The following SEMA6B variants were observed in gnomAD, a reference collection of about 807,000 sequenced individuals.
SEMA6B encodes the protein semaphorin 6B.
Under a neutral mutation model 78.6 loss-of-function variants are expected in SEMA6B, and 47 were observed. That is an observed-to-expected ratio of 0.60 (90% CI 0.47 to 0.76). The LOEUF (loss-of-function observed/expected upper bound fraction) is 0.76, where lower values mean the gene tolerates loss of function less well. Among genes scored for constraint, SEMA6B ranks in the 30% least tolerant of loss-of-function variants. SEMA6B has a pLI of 0.00. For missense variants in SEMA6B, 1,213 were observed against 1,269.9 expected, an observed-to-expected ratio of 0.96 and a Z score of 0.68; for synonymous variants, 632 against 592.2, an observed-to-expected ratio of 1.07 and a Z score of -0.98.
In SEMA6B at chr19:4,555,363, G is replaced by A; in HGVS notation, c.562+111C>T. On this transcript the variant is annotated intron_variant, in intron 7 of 16. Coordinates refer to ENST00000586582, the MANE Select transcript of SEMA6B (RefSeq NM_032108.4). The surrounding 1 kb of genome is among the most constrained non-coding windows in gnomAD (Gnocchi z 6.1). ...CTGAGAGTCTGCCCATGTCACAGCT[G>A]GGACAAGTGGTCGTCCAGCTGCCTT... The A allele has an allele frequency of 1.0e-6, 1 of 979,156 alleles. No individual in the cohort carries two copies. The highest frequency in any genetic ancestry group is 1.5e-6 in the Non-Finnish European group (1 of 654,836). The allele number at this position is 979,156 out of a possible 1,614,324, so 60.7% of individuals were successfully genotyped here. A position where few individuals can be genotyped will look rare whatever the true frequency, so the allele number is the denominator to read the frequency against.
At position 4,543,771 on chromosome 19, in the gene SEMA6B, G is replaced by A; in HGVS notation, c.2497C>T (p.Leu833=). The change falls in exon 17 of 17, where the codon CTG becomes TTG. Residue 833 remains leucine (L), a synonymous_variant. Coordinates refer to ENST00000586582, the MANE Select transcript of SEMA6B (RefSeq NM_032108.4). ...GCGGCCGGAGGGGCGTGGGGGCCCA[G>A]TGGCCTCCTCAGGCTGCCCGTCGGG... ...PPPTGSLRRP[L]GPHAPPAATL... is the part of the protein sequence containing the mutation. 8.2e-7 allele frequency: 1 copy of A among 1,224,490 alleles called. No homozygotes were observed. The highest frequency in any genetic ancestry group is 1.0e-6 in the Non-Finnish European group (1 of 983,300). 75.9% of individuals were successfully genotyped at this position (1,224,490 alleles called of 1,614,324 possible).
intron 14 of SEMA6B, 97 bp downstream of exon 14, chr19:4,547,930 A>C: frequency 2.2e-6 from 3 of 1,374,916 alleles, no homozygotes; most frequent in Non-Finnish European, 2.9e-6. Context: ...CTCAATGACC[A>C]GGACATCATT....
intron 12 of SEMA6B, among the ~76,000 whole-genome samples, chr19:4,549,034 C>T (rs1402458293): frequency 6.6e-6 from 1 of 152,038 alleles, no homozygotes; most frequent in Non-Finnish European, 1.5e-5. Context: ...ACCATTTGGC[C>T]AGGCTGGTTT....
At position 4,558,186 on chromosome 19, in the gene SEMA6B, TG is replaced by T. The variant is rs780137490; in HGVS notation, c.122-38del. The T allele has an allele frequency of 2.1e-6, 3 of 1,399,986 alleles. No homozygotes were observed. The highest frequency in any genetic ancestry group is 2.8e-6 in the Non-Finnish European group (3 of 1,061,292). The allele number at this position is 1,399,986 out of a possible 1,614,324, so 86.7% of individuals were successfully genotyped here. A position where few individuals can be genotyped will look rare whatever the true frequency, so the allele number is the denominator to read the frequency against. ...GGTGGAGAGGGGTGTGAGCAAGGGC[TG>T]GGGGTGAAGAGAGGGTGGCCTGAGG... On this transcript the variant is annotated intron_variant, in intron 2 of 16. Transcript: ENST00000586582. This position sits in a 1 kb window ranked among gnomAD's most constrained non-coding sequence, Gnocchi z 5.1.
At chr19:4,554,902 C>T (rs952356889) in intron 8 of SEMA6B, 74 bp downstream of exon 8, 2 of 1,541,362 alleles carry the variant, frequency 1.3e-6, no homozygotes, top group Admixed American at 1.8e-5. Flanking sequence ...GACTCTTATT[C>T]TGGTGGGGAG....
intron 10 of SEMA6B, among the ~76,000 whole-genome samples, chr19:4,551,683 G>A (rs964618160): frequency 6.6e-6 from 1 of 151,868 alleles, no homozygotes; most frequent in African/African-American, 2.4e-5. Flanking sequence ...TACAAAATAA[G>A]CTGGGTGTGG....
intron 5 of SEMA6B, 112 bp from the exon 6 acceptor site, chr19:4,556,201 C>A: frequency 1.4e-6 from 1 of 738,830 alleles, no homozygotes. Context: ...GTGGGCATGG[C>A]CAAGGCAGGG....
intron 12 of SEMA6B, 119 bp from the exon 13 acceptor site, chr19:4,548,564 C>T: frequency 1.1e-6 from 1 of 907,134 alleles, no homozygotes; most frequent in East Asian, 2.6e-5. Context: ...CATGTGACAG[C>T]AATAAATGCG....
chr19:4,547,153 A>T (rs1353150982), intron 14 of SEMA6B, among the ~76,000 whole-genome samples: 1 of 149,832 alleles, frequency 6.7e-6, no homozygotes, highest in Admixed American at 6.7e-5. Flanking sequence ...TTTTTTAGAG[A>T]CAGGCTCTCA....
chr19:4,555,604 C>T lies in SEMA6B; in HGVS notation c.472-40G>A, dbSNP rs1364076268. The T allele has an allele frequency of 6.5e-6, 10 of 1,548,116 alleles. No homozygotes were observed. Among genetic ancestry groups the T allele is most frequent in the Non-Finnish European group, 8.9e-6 (10 of 1,126,630 alleles). On this transcript the variant is annotated intron_variant, in intron 6 of 16. Coordinates refer to ENST00000586582, the MANE Select transcript of SEMA6B (RefSeq NM_032108.4). The surrounding 1 kb of genome is among the most constrained non-coding windows in gnomAD (Gnocchi z 6.1). ...GGGCCTGAGTGACAGATCTCCTGAC[C>T]CCACCTAGCAGCCCCTGGCTCCCTC... is the stretch of plus-strand genomic sequence containing the variant.
In SEMA6B at chr19:4,557,199, C is replaced by T. The variant is rs1274688980; in HGVS notation, c.270G>A (p.Leu90=). Reference sequence around the variant, plus strand: ...GCAGCTCCGTGGACGTGGGGGGCTCCAGCTCTACGCGGTAGAGGTTGTCCC... The same window carrying T: ...GCAGCTCCGTGGACGTGGGGGGCTCTAGCTCTACGCGGTAGAGGTTGTCCC... ...GDRDNLYRVE[L]EPPTSTELRY... is the part of the protein sequence containing the mutation. The change falls in exon 4 of 17, where the codon CTG becomes CTA. Residue 90 remains leucine (L), a synonymous_variant. Coordinates refer to ENST00000586582, the MANE Select transcript of SEMA6B (RefSeq NM_032108.4). 1 of 1,601,332 alleles carries T rather than the reference C, an allele frequency of 6.2e-7. No individual in the cohort carries two copies. The highest frequency in any genetic ancestry group is 8.5e-7 in the Non-Finnish European group (1 of 1,173,384).
At chr19:4,547,370 G>A (rs932961484) in intron 14 of SEMA6B, among the ~76,000 whole-genome samples, 1 of 152,238 alleles carries the variant, frequency 6.6e-6, no homozygotes, top group African/African-American at 2.4e-5. Flanking sequence ...GCTCCAGAAA[G>A]TAAATGTTTG....
intron 16 of SEMA6B, 74 bp downstream of exon 16, chr19:4,546,142 C>T: frequency 7.1e-7 from 1 of 1,417,454 alleles, no homozygotes; most frequent in South Asian, 1.3e-5. Context: ...ATTCGAGGGT[C>T]CTCCAGCCTC....
chr19:4,542,737 C>T lies in SEMA6B; in HGVS notation c.*864G>A, dbSNP rs1239051488. The stretch of plus-strand genomic sequence containing the variant: ...TCACAAGGGGACGGGTGGCATGGGA[C>T]TCTCTCACCACCCTGGGGCCGTATT... On this transcript the variant is annotated 3_prime_UTR_variant, in exon 17 of 17. Transcript: ENST00000586582. 4.3e-6 allele frequency: 3 copies of T among 694,860 alleles called. No individual in the cohort carries two copies. Among genetic ancestry groups the T allele is most frequent in the African/African-American group, 1.7e-5 (1 of 57,190 alleles). The allele number at this position is 694,860 out of a possible 1,614,324, so 43.0% of individuals were successfully genotyped here.
At position 4,542,598 on chromosome 19, in the gene SEMA6B, G is replaced by A; in HGVS notation, c.*1003C>T. Reference sequence around the variant, plus strand: ...GCCAGAGTCATGGGGGCCGGTGGTTGTAAACAGAGTTTTATTGATGGGGAG... The same window carrying A: ...GCCAGAGTCATGGGGGCCGGTGGTTATAAACAGAGTTTTATTGATGGGGAG... On this transcript the variant is annotated 3_prime_UTR_variant, in exon 17 of 17. Transcript: ENST00000586582. 1 of 462,224 alleles carries A rather than the reference G, an allele frequency of 2.2e-6. No homozygotes were observed. Among genetic ancestry groups the A allele is most frequent in the Non-Finnish European group, 4.0e-6 (1 of 247,414 alleles). 28.6% of individuals were successfully genotyped at this position (462,224 alleles called of 1,614,324 possible).
rs972845844 is a variant in SEMA6B at position 4,550,403 on chromosome 19, C to T, written c.1122-131G>A. On this transcript the variant is annotated intron_variant, in intron 11 of 16. Coordinates refer to ENST00000586582, the MANE Select transcript of SEMA6B (RefSeq NM_032108.4). The surrounding 1 kb of genome is among the most constrained non-coding windows in gnomAD (Gnocchi z 6.6). ...GTTTGTTTTGTTTTTGAGACAGAGTCTCAATCTGTCGCCCAGGCTGGAGTG... is the reference window on the plus strand; with the variant it reads ...GTTTGTTTTGTTTTTGAGACAGAGTTTCAATCTGTCGCCCAGGCTGGAGTG... 19 of 986,918 alleles carry T rather than the reference C, an allele frequency of 1.9e-5. No individual in the cohort carries two copies. Among genetic ancestry groups the T allele is most frequent in the Non-Finnish European group, 2.7e-5 (18 of 669,982 alleles). 61.1% of individuals were successfully genotyped at this position (986,918 alleles called of 1,614,324 possible).
Position 4,550,357 on chromosome 19 carries a change from C to T in SEMA6B, c.1122-85G>A. ...TCACCAGAGGTACCCATTGCTTTGC[C>T]CAACGACCCTCAGGTTTTTTGTTTG... On this transcript the variant is annotated intron_variant, in intron 11 of 16. Transcript: ENST00000586582. The surrounding 1 kb of genome is among the most constrained non-coding windows in gnomAD (Gnocchi z 6.6). The T allele has an allele frequency of 6.9e-7, 1 of 1,438,852 alleles. No individual in the cohort carries two copies. Among genetic ancestry groups the T allele is most frequent in the Non-Finnish European group, 9.6e-7 (1 of 1,039,996 alleles). 89.1% of individuals were successfully genotyped at this position (1,438,852 alleles called of 1,614,324 possible). A position where few individuals can be genotyped will look rare whatever the true frequency, so the allele number is the denominator to read the frequency against.
At position 4,558,889 on chromosome 19, in the gene SEMA6B, T is replaced by C. The variant is rs534809229; in HGVS notation, c.-32-400A>G. ...AAAAAAAAAAAGAGTCAAAGGCTCT[T>C]GGAATTTTATAAGCCACAAGCTGGC... On this transcript the variant is annotated intron_variant, in intron 1 of 16. Transcript: ENST00000586582. This position sits in a 1 kb window ranked among gnomAD's most constrained non-coding sequence, Gnocchi z 5.1. Among the ~76,000 whole-genome samples the C allele has an allele frequency of 6.6e-6, 1 of 151,834 alleles. No individual in the cohort carries two copies. Among genetic ancestry groups the C allele is most frequent in the South Asian group, 2.1e-4 (1 of 4,810 alleles).
Position 4,548,332 on chromosome 19 carries a change from T to C in SEMA6B, c.1385A>G (p.Asn462Ser). Reference sequence around the variant, plus strand: ...CCCAGACGTCCCTGAGGTGCTGGCATTGGGCCGGACGAGGAACTTGAGGAC... The same window carrying C: ...CCCAGACGTCCCTGAGGTGCTGGCACTGGGCCGGACGAGGAACTTGAGGAC... ...GTVLKFLVRP[N>S]ASTSGTSGLS... The change falls in exon 13 of 17, where the codon AAT becomes AGT. Residue 462 changes from asparagine (N) to serine (S), a missense_variant. By Grantham distance (46) the Asn-to-Ser change is conservative (BLOSUM62 1). Coordinates refer to ENST00000586582, the MANE Select transcript of SEMA6B (RefSeq NM_032108.4). 3 of 1,613,918 alleles carry C rather than the reference T, an allele frequency of 1.9e-6. No individual in the cohort carries two copies. The highest frequency in any genetic ancestry group is 2.5e-6 in the Non-Finnish European group (3 of 1,180,010).
Sources: allele counts gnomAD v4.1 joint callset (sites outside exome capture counted in the v4.1 genomes callset), GRCh38; gene constraint gnomAD v4.1.1; non-coding constraint Gnocchi (gnomAD v3.1); transcripts MANE v1.5; gene names NCBI Gene and HGNC (gene_info 2026-07-23, HGNC 2026-07-21).